ANKRD29: variants seen among roughly 807,000 people sequenced by gnomAD.
The protein encoded by ANKRD29 is ankyrin repeat domain-containing protein 29.
In ANKRD29, 32 loss-of-function variants were observed where a neutral mutation model predicts 38.0. That is an observed-to-expected ratio of 0.84 (90% CI 0.64 to 1.13). The LOEUF is 1.13. Among genes scored for constraint, ANKRD29 ranks in the 50% most tolerant of loss-of-function variants. The pLI, the probability that ANKRD29 is intolerant of heterozygous loss-of-function variation, is 0.00. For missense variants in ANKRD29, 357 were observed against 377.9 expected, an observed-to-expected ratio of 0.94 and a Z score of 0.46; for synonymous variants, 135 against 152.4, an observed-to-expected ratio of 0.89 and a Z score of 0.84.
intron 1 of ANKRD29, among the ~76,000 whole-genome samples, chr18:23,657,110 A>C (rs2060294710): frequency 1.3e-5 from 2 of 151,374 alleles, no homozygotes; most frequent in South Asian, 4.2e-4. Context: ...CCTCTACCTC[A>C]CCTCACCTGG....
chr18:23,659,348 T>C (rs939888804), intron 1 of ANKRD29, among the ~76,000 whole-genome samples: 4 of 152,242 alleles, frequency 2.6e-5, no homozygotes, highest in East Asian at 1.9e-4. Flanking sequence ...ATGAATACTA[T>C]TGCTATGGAT....
intron 1 of ANKRD29, among the ~76,000 whole-genome samples, chr18:23,661,284 A>T (rs569703847): frequency 1.3e-5 from 2 of 152,344 alleles, no homozygotes; most frequent in South Asian, 4.1e-4. Flanking sequence ...GCCTCCTGGG[A>T]TCGAGGAGAG....
intron 2 of ANKRD29, chr18:23,647,009 T>G (rs867166792): frequency 9.8e-5 from 15 of 152,390 alleles, no homozygotes; most frequent in South Asian, 4.1e-4. Flanking sequence ...AATTGTAATC[T>G]TAGCTACCAC....
intron 6 of ANKRD29, among the ~76,000 whole-genome samples, chr18:23,620,983 C>T (rs943033026): frequency 1.3e-5 from 2 of 152,172 alleles, no homozygotes; most frequent in African/African-American, 4.8e-5. Flanking sequence ...AGCTGCAACC[C>T]TGGGGTGTAA....
intron 7 of ANKRD29, chr18:23,619,277 G>T: frequency 4.4e-6 from 2 of 458,708 alleles, no homozygotes; most frequent in East Asian, 3.8e-5. Context: ...CCCCAGGACA[G>T]GCGGGAGGCC....
intron 1 of ANKRD29, 60 bp downstream of exon 1, chr18:23,662,650 C>G (rs902794854): frequency 5.8e-6 from 7 of 1,203,324 alleles, no homozygotes; most frequent in Non-Finnish European, 7.7e-6. Flanking sequence ...CCACCCGACC[C>G]CGCGGGCCCG....
chr18:23,643,319 T>C (rs1013339602), intron 3 of ANKRD29, among the ~76,000 whole-genome samples: 33 of 152,322 alleles, frequency 2.2e-4, no homozygotes, highest in Admixed American at 1.9e-3. Context: ...CACTGCTTTA[T>C]TACAGTTGAT....
chr18:23,640,586 A>C (rs2060061098), intron 3 of ANKRD29, among the ~76,000 whole-genome samples: 2 of 152,188 alleles, frequency 1.3e-5, no homozygotes, highest in South Asian at 4.1e-4. Flanking sequence ...ATAACAAGAA[A>C]CATCCTGATT....
chr18:23,611,076 G>A (rs1459340536), intron 9 of ANKRD29, among the ~76,000 whole-genome samples: 2 of 152,240 alleles, frequency 1.3e-5, no homozygotes, highest in Non-Finnish European at 2.9e-5. Flanking sequence ...GAAGTAAAAT[G>A]ACAATCATTT....
intron 8 of ANKRD29, among the ~76,000 whole-genome samples, chr18:23,616,325 T>C (rs2059717247): frequency 6.7e-6 from 1 of 149,594 alleles, no homozygotes; most frequent in South Asian, 2.1e-4. Flanking sequence ...GGCTGGGAGT[T>C]TGAGACCAGC....
At chr18:23,662,641 CA>C in intron 1 of ANKRD29, 68 bp downstream of exon 1, 1 of 650,042 alleles carries the variant, frequency 1.5e-6, no homozygotes, top group Non-Finnish European at 2.4e-6. Context: ...CATCCCACCC[CA>C]CCCGACCCCG....
intron 3 of ANKRD29, among the ~76,000 whole-genome samples, chr18:23,639,416 A>T (rs530111050): frequency 3.9e-5 from 6 of 152,322 alleles, no homozygotes; most frequent in Admixed American, 3.9e-4. Flanking sequence ...TTATTTAGCT[A>T]AAAAGAAAGG....
At chr18:23,636,617 A>T (rs1487721241) in intron 4 of ANKRD29, among the ~76,000 whole-genome samples, 2 of 151,924 alleles carry the variant, frequency 1.3e-5, no homozygotes, top group Non-Finnish European at 2.9e-5. Context: ...ACTCTCACCC[A>T]GGCTGGAGTG....
At chr18:23,626,029 A>G (rs1184162208) in intron 6 of ANKRD29, among the ~76,000 whole-genome samples, 4 of 152,188 alleles carry the variant, frequency 2.6e-5, no homozygotes, top group Non-Finnish European at 5.9e-5. Context: ...CCATGTGCAA[A>G]CGAAACAAGA....
chr18:23,607,251 G>A (rs1407570428), intron 9 of ANKRD29, among the ~76,000 whole-genome samples: 1 of 152,196 alleles, frequency 6.6e-6, no homozygotes, highest in Non-Finnish European at 1.5e-5. Flanking sequence ...CAGACCAGAG[G>A]CTCCTCTATG....
At chr18:23,616,549 AG>A (rs1291011970) in intron 8 of ANKRD29, among the ~76,000 whole-genome samples, 3 of 106,172 alleles carry the variant, frequency 2.8e-5, no homozygotes, top group African/African-American at 9.0e-5. Flanking sequence ...ATATATATAT[AG>A]TATATATATA....
chr18:23,659,877 G>A (rs12966755), intron 1 of ANKRD29, among the ~76,000 whole-genome samples: 2 of 151,842 alleles, frequency 1.3e-5, no homozygotes, highest in East Asian at 1.9e-4. Context: ...CTGGGAGCCC[G>A]AGGCAGGCAG....
At chr18:23,617,289 C>T (rs939898156) in intron 8 of ANKRD29, among the ~76,000 whole-genome samples, 2 of 152,026 alleles carry the variant, frequency 1.3e-5, no homozygotes, top group African/African-American at 4.8e-5. Flanking sequence ...TTTTAGGTGA[C>T]CCAGGTATCC....
At chr18:23,610,547 C>T (rs1191627273) in intron 9 of ANKRD29, among the ~76,000 whole-genome samples, 1 of 152,124 alleles carries the variant, frequency 6.6e-6, no homozygotes, top group Non-Finnish European at 1.5e-5. Flanking sequence ...ATAATACCAG[C>T]ACTTTGGTAG....
Sources: allele counts gnomAD v4.1 joint callset (sites outside exome capture counted in the v4.1 genomes callset), GRCh38; gene constraint gnomAD v4.1.1; transcripts MANE v1.5; gene names NCBI Gene and HGNC (gene_info 2026-07-23, HGNC 2026-07-21).